The following E2F7 variants were observed in gnomAD, a reference collection of about 807,000 sequenced individuals.
E2F7 encodes E2F transcription factor 7, also known as transcription factor E2F7.
In E2F7, 35 loss-of-function variants were observed where a neutral mutation model predicts 81.1. The observed-to-expected ratio is 0.43, with a 90% CI of 0.33 to 0.57. E2F7 has a LOEUF of 0.57. Ranked by LOEUF, E2F7 falls within the 20% of genes least tolerant of loss-of-function variation. The probability of loss-of-function intolerance (pLI) is 0.04; values close to 1 mark genes in which losing one functional copy is unlikely to be tolerated. For missense variants in E2F7, 961 were observed against 1,093.7 expected (o/e 0.88, Z 1.71); for synonymous variants, 416 against 416.2 (o/e 1.00, Z 0.01).
At chr12:77,027,849 G>C in intron 11 of E2F7, 34 bp downstream of exon 11, 10 of 1,605,578 alleles carry the variant, frequency 6.2e-6, no homozygotes, top group Non-Finnish European at 8.5e-6. Flanking sequence ...TCTGACTGCC[G>C]CAAGGGACTC....
intron 7 of E2F7, 22 bp downstream of exon 7, chr12:77,043,043 T>C (rs749687665): frequency 2.2e-5 from 36 of 1,613,736 alleles, no homozygotes; most frequent in Non-Finnish European, 2.8e-5. Context: ...AACAGCCTGC[T>C]AGCAAAACCA....
At chr12:77,041,293 G>A (rs1057018442) in intron 7 of E2F7, among the ~76,000 whole-genome samples, 4 of 152,168 alleles carry the variant, frequency 2.6e-5, no homozygotes, top group African/African-American at 4.8e-5. Context: ...CCTGGTTCAA[G>A]TGATTCTCCT....
Position 77,056,985 on chromosome 12 carries a change from C to T in E2F7, c.94-855G>A, listed in dbSNP as rs139658337. On this transcript the variant is annotated intron_variant, in intron 2 of 12. Transcript: ENST00000322886. Reference sequence around the variant, plus strand: ...CACTATAGCCTCAAACTCCTGGGCACGTGCAATCTTCTCGCCTTAGCCTCC... The same window carrying T: ...CACTATAGCCTCAAACTCCTGGGCATGTGCAATCTTCTCGCCTTAGCCTCC... Among the ~76,000 whole-genome samples, 73 of 151,730 alleles carry T rather than the reference C, an allele frequency of 4.8e-4. No individual in the cohort carries two copies. In the East Asian group the frequency reaches 0.013, roughly 27 times the overall value.
rs961380437 is a variant in E2F7 at position 77,021,325 on chromosome 12, C to A, written c.*2690G>T. On this transcript the variant is annotated 3_prime_UTR_variant, in exon 13 of 13. Coordinates refer to ENST00000322886, the MANE Select transcript of E2F7 (RefSeq NM_203394.3). ...AAAAATATTAGAAAAAAAATCAGAA[C>A]AAAAAATCAGTTTACATGTAGTACA... 8 of 152,032 alleles carry A rather than the reference C, an allele frequency of 5.3e-5. No homozygotes were observed. Among genetic ancestry groups the A allele is most frequent in the African/African-American group, 1.9e-4 (8 of 41,234 alleles). 9.4% of individuals were successfully genotyped at this position (152,032 alleles called of 1,614,324 possible).
intron 10 of E2F7, 135 bp downstream of exon 10, chr12:77,029,696 T>C: frequency 7.1e-7 from 1 of 1,406,820 alleles, no homozygotes; most frequent in Non-Finnish European, 9.6e-7. Flanking sequence ...GCCACTCCAG[T>C]GCTTAATTAT....
intron 2 of E2F7, among the ~76,000 whole-genome samples, chr12:77,056,888 CTTT>C (rs35865722): frequency 6.9e-6 from 1 of 145,806 alleles, no homozygotes; most frequent in African/African-American, 2.5e-5. Context: ...ATTTTTCTTA[CTTT>C]TTTTTTTTTT....
chr12:77,026,899 T>C (rs535418289), intron 11 of E2F7, among the ~76,000 whole-genome samples: 125 of 152,324 alleles, frequency 8.2e-4, no homozygotes, highest in African/African-American at 2.9e-3. Flanking sequence ...TGTATTTAAT[T>C]CTATGCATCC....
Position 77,043,008 on chromosome 12 carries a change from A to G in E2F7, c.1123+57T>C. The G allele has an allele frequency of 2.5e-6, 4 of 1,611,974 alleles. No individual in the cohort carries two copies. In the South Asian group the frequency reaches 4.4e-5, roughly 18 times the overall value. On this transcript the variant is annotated intron_variant, in intron 7 of 12. Transcript: ENST00000322886. ...ACTGTGTAGTAGATGTGAGACTTGG[A>G]AAAGGAACTGAGAATTCTAAATAAA...
At chr12:77,065,292 G>C (rs904479837) in intron 1 of E2F7, 53 bp downstream of exon 1, 1 of 152,356 alleles carries the variant, frequency 6.6e-6, no homozygotes, top group African/African-American at 2.4e-5. Context: ...GGCGGGAGTG[G>C]GCCCTGTATC....
At chr12:77,048,759 T>C (rs897909152) in intron 4 of E2F7, among the ~76,000 whole-genome samples, 1 of 152,092 alleles carries the variant, frequency 6.6e-6, no homozygotes, top group Admixed American at 6.5e-5. Flanking sequence ...GGAGTTCTGC[T>C]CCAGGCAGCC....
At chr12:77,028,798 T>G (rs1954780581) in intron 10 of E2F7, among the ~76,000 whole-genome samples, 1 of 152,204 alleles carries the variant, frequency 6.6e-6, no homozygotes, top group African/African-American at 2.4e-5. Flanking sequence ...TAATAACAGC[T>G]TTCTTAATAT....
chr12:77,043,164 G>A lies in E2F7; in HGVS notation c.1024C>T (p.Leu342=). ...TTCTTTATCAGAGCCAAGCTGGTCA[G>A]AACATTGGCTATGTCATAGAGGCGT... is the stretch of plus-strand genomic sequence containing the variant. ...VRRLYDIANV[L]TSLALIKKVH... is the part of the protein sequence containing the mutation. Residue 342 remains leucine (L), a synonymous_variant, in exon 7 of 13, where the codon CTG becomes TTG. Transcript: ENST00000322886. 6.2e-7 allele frequency: 1 copy of A among 1,614,170 alleles called. No individual in the cohort carries two copies. Among genetic ancestry groups the A allele is most frequent in the Non-Finnish European group, 8.5e-7 (1 of 1,180,026 alleles).
chr12:77,056,201 C>T (rs773128436), intron 2 of E2F7, 71 bp from the exon 3 acceptor site: 8 of 1,429,108 alleles, frequency 5.6e-6, no homozygotes, highest in Non-Finnish European at 7.5e-6. Flanking sequence ...ACTTTGTTCC[C>T]ACCATTCACT....
chr12:77,056,396 T>A (rs1955032884), intron 2 of E2F7, among the ~76,000 whole-genome samples: 1 of 152,194 alleles, frequency 6.6e-6, no homozygotes, highest in South Asian at 2.1e-4. Flanking sequence ...TCTGTTACTG[T>A]TGCATGTTTA....
intron 12 of E2F7, among the ~76,000 whole-genome samples, chr12:77,024,516 A>G (rs1163996579): frequency 6.6e-6 from 1 of 152,154 alleles, no homozygotes; most frequent in Admixed American, 6.5e-5. Context: ...TGGTAAAATT[A>G]CTGACTTCAC....
In E2F7 at chr12:77,023,953, C is replaced by T. The variant is rs1954735324; in HGVS notation, c.*62G>A. 2 of 1,571,870 alleles carry T rather than the reference C, an allele frequency of 1.3e-6. No homozygotes were observed. The highest frequency in any genetic ancestry group is 1.7e-6 in the Non-Finnish European group (2 of 1,160,510). On this transcript the variant is annotated 3_prime_UTR_variant, in exon 13 of 13. Coordinates refer to ENST00000322886, the MANE Select transcript of E2F7 (RefSeq NM_203394.3). Reference sequence around the variant, plus strand: ...GCTCAGGACGGGATGGTTTGCATCCCGCCTCGGACATCCGGGACTCTCAGG... The same window carrying T: ...GCTCAGGACGGGATGGTTTGCATCCTGCCTCGGACATCCGGGACTCTCAGG...
At chr12:77,037,998 T>A (rs973984233) in intron 7 of E2F7, among the ~76,000 whole-genome samples, 1 of 152,168 alleles carries the variant, frequency 6.6e-6, no homozygotes, top group Non-Finnish European at 1.5e-5. Context: ...GAAGTGACTA[T>A]ATCACTATGA....
chr12:77,047,107 C>T (rs1253336211), intron 4 of E2F7, among the ~76,000 whole-genome samples: 1 of 152,136 alleles, frequency 6.6e-6, no homozygotes, highest in Admixed American at 6.5e-5. Flanking sequence ...CTCCGCAGCT[C>T]ACTACTCACT....
At chr12:77,034,897 C>T (rs975817581) in intron 7 of E2F7, among the ~76,000 whole-genome samples, 7 of 152,232 alleles carry the variant, frequency 4.6e-5, no homozygotes, top group Non-Finnish European at 1.0e-4. Flanking sequence ...GTCACCTTCA[C>T]AGTTTTCTTT....
Sources: gnomAD v4.1 joint callset for allele counts (sites outside exome capture counted in the v4.1 genomes callset) on GRCh38, gnomAD v4.1.1 for gene constraint, MANE v1.5 for transcripts, NCBI Gene and HGNC (gene_info 2026-07-23, HGNC 2026-07-21) for gene names.